Variants in OSBPL10 observed in about 807,000 individuals in gnomAD.
The protein encoded by OSBPL10 is oxysterol binding protein like 10, also known as oxysterol-binding protein-related protein 10.
In OSBPL10, 49 loss-of-function variants were observed where a neutral mutation model predicts 81.7. The observed-to-expected ratio is 0.60, with a 90% CI of 0.48 to 0.76. The LOEUF (loss-of-function observed/expected upper bound fraction) is 0.76. Ranked by LOEUF, OSBPL10 falls within the 30% of genes least tolerant of loss-of-function variation. The pLI is 0.00. For synonymous variants in OSBPL10, 419 were observed against 383.6 expected (o/e 1.09, Z -1.08); for missense variants, 923 against 987.8 (o/e 0.93, Z 0.88).
chr3:31,754,988 T>A (rs1048417124), intron 4 of OSBPL10, among the ~76,000 whole-genome samples: 2 of 152,204 alleles, frequency 1.3e-5, no homozygotes, highest in Non-Finnish European at 2.9e-5. Context: ...ACATAGGTCC[T>A]GGCCTGCTTG....
At chr3:31,664,289 C>T (rs1460137939) in intron 10 of OSBPL10, 57 bp from the exon 11 acceptor site, 27 of 1,581,714 alleles carry the variant, frequency 1.7e-5, no homozygotes, top group African/African-American at 5.4e-5. Flanking sequence ...TGCAAGCTAA[C>T]GGAACTCTGC....
At chr3:31,703,589 T>G (rs530550017) in intron 6 of OSBPL10, 1 of 152,218 alleles carries the variant, frequency 6.6e-6, no homozygotes, top group Non-Finnish European at 1.5e-5. Flanking sequence ...GTGGTCAAGG[T>G]GTTTAAAATT....
chr3:31,683,605 G>C (rs1359824974), intron 8 of OSBPL10, 29 bp downstream of exon 8: 18 of 1,594,840 alleles, frequency 1.1e-5, no homozygotes, highest in Non-Finnish European at 1.4e-5. Context: ...CTGTGTAAGA[G>C]CCAAACTCCA....
intron 1 of OSBPL10, among the ~76,000 whole-genome samples, chr3:31,896,789 C>T (rs1036275915): frequency 5.3e-5 from 8 of 152,216 alleles, no homozygotes; most frequent in Non-Finnish European, 8.8e-5. Context: ...CTTCCCTACT[C>T]AGCACCTTTC....
chr3:32,046,676 A>T (rs1163650971), intron 1 of OSBPL10: 2 of 152,266 alleles, frequency 1.3e-5, no homozygotes, highest in Non-Finnish European at 2.9e-5. Context: ...AGCTAAGCCA[A>T]CCAACCACCA....
At chr3:31,968,741 C>T (rs1698475773) in intron 1 of OSBPL10, among the ~76,000 whole-genome samples, 1 of 152,188 alleles carries the variant, frequency 6.6e-6, no homozygotes, top group Non-Finnish European at 1.5e-5. Flanking sequence ...TGATCTTTGA[C>T]ATAAAAATTC....
chr3:31,708,593 C>G (rs1209850089), intron 6 of OSBPL10: 1 of 473,532 alleles, frequency 2.1e-6, no homozygotes, highest in Non-Finnish European at 2.8e-6. Flanking sequence ...CAACTCATAT[C>G]ACATGACTAC....
rs1270429051 is a variant in OSBPL10 at position 31,966,174 on chromosome 3, T to C, written c.281+14725A>G. ...AATTATGTGTGTGTGTGTGTGTGTG[T>C]GTGTGTGTGTGTGTGTGTGTATTCA... is the stretch of plus-strand genomic sequence containing the variant. On this transcript the variant is annotated intron_variant, in intron 1 of 11. Coordinates refer to ENST00000396556, the MANE Select transcript of OSBPL10 (RefSeq NM_017784.5). Among the ~76,000 whole-genome samples, 6 of 148,046 alleles carry C rather than the reference T, an allele frequency of 4.1e-5. 1 individual carries two copies. The highest frequency in any genetic ancestry group is 1.5e-4 in the African/African-American group (6 of 40,318).
intron 1 of OSBPL10, among the ~76,000 whole-genome samples, chr3:31,923,016 C>A (rs1014461167): frequency 6.6e-6 from 1 of 152,062 alleles, no homozygotes; most frequent in African/African-American, 2.4e-5. Context: ...AAAGGAGCAA[C>A]TAAAAGATGA....
At chr3:31,766,814 G>C (rs1430655665) in intron 4 of OSBPL10, among the ~76,000 whole-genome samples, 1 of 152,170 alleles carries the variant, frequency 6.6e-6, no homozygotes, top group East Asian at 1.9e-4. Context: ...TGACATGAAT[G>C]CCAGGTTACA....
chr3:31,974,878 C>T (rs745757043), intron 1 of OSBPL10, among the ~76,000 whole-genome samples: 1 of 152,132 alleles, frequency 6.6e-6, no homozygotes, highest in Non-Finnish European at 1.5e-5. Context: ...GAAATTTACT[C>T]GCAAAACTCA....
chr3:32,052,808 T>C (rs6762350), intron 1 of OSBPL10, among the ~76,000 whole-genome samples: 17 of 152,140 alleles, frequency 1.1e-4, no homozygotes, highest in African/African-American at 7.2e-5. Context: ...TGTCAGGAGT[T>C]GGGGGCAAGG....
intron 3 of OSBPL10, among the ~76,000 whole-genome samples, chr3:31,840,955 C>T (rs993546073): frequency 2.0e-5 from 3 of 152,194 alleles, no homozygotes; most frequent in Non-Finnish European, 2.9e-5. Context: ...GTAGCCCAGG[C>T]TGGAGTGCAA....
At chr3:31,828,203 T>C (rs112068038) in intron 4 of OSBPL10, among the ~76,000 whole-genome samples, 7 of 152,318 alleles carry the variant, frequency 4.6e-5, no homozygotes, top group African/African-American at 1.7e-4. Flanking sequence ...TAGTTAAGTG[T>C]TGTGTCATTT....
intron 2 of OSBPL10, chr3:31,989,392 A>G: frequency 6.2e-7 from 1 of 1,614,226 alleles, no homozygotes; most frequent in Non-Finnish European, 8.5e-7. Flanking sequence ...CTTCCAGAAA[A>G]TTGGGAAAGA....
chr3:32,020,475 T>G (rs1025540355), intron 2 of OSBPL10, among the ~76,000 whole-genome samples: 1 of 152,248 alleles, frequency 6.6e-6, no homozygotes, highest in Non-Finnish European at 1.5e-5. Flanking sequence ...CAGTACTATA[T>G]CATTCCTTTT....
chr3:31,913,196 T>G (rs963985609), intron 1 of OSBPL10, among the ~76,000 whole-genome samples: 2 of 151,556 alleles, frequency 1.3e-5, no homozygotes, highest in Non-Finnish European at 2.9e-5. Context: ...GTAAAGGGAG[T>G]CAGAAAGTGT....
intron 3 of OSBPL10, among the ~76,000 whole-genome samples, chr3:31,844,591 T>C (rs539781206): frequency 6.6e-6 from 1 of 152,290 alleles, no homozygotes; most frequent in Admixed American, 6.5e-5. Context: ...ATAATCAGAA[T>C]AGTAAATCCA....
At chr3:31,886,617 A>G (rs1436904344) in intron 1 of OSBPL10, among the ~76,000 whole-genome samples, 1 of 152,202 alleles carries the variant, frequency 6.6e-6, no homozygotes, top group South Asian at 2.1e-4. Flanking sequence ...CGTCCTGACC[A>G]ATGGCAACTA....
Sources: allele counts gnomAD v4.1 joint callset (sites outside exome capture counted in the v4.1 genomes callset), GRCh38; gene constraint gnomAD v4.1.1; transcripts MANE v1.5; gene names NCBI Gene and HGNC (gene_info 2026-07-23, HGNC 2026-07-21).